The following NBEA variants were observed in gnomAD, a reference collection of about 807,000 sequenced individuals.
NBEA encodes neurobeachin, also known as lysosomal-trafficking regulator 2.
Under a neutral mutation model 343.4 loss-of-function variants are expected in NBEA, and 44 were observed. The observed-to-expected ratio is 0.13, with a 90% CI of 0.10 to 0.16. The LOEUF (loss-of-function observed/expected upper bound fraction) is 0.16, where lower values mean the gene tolerates loss of function less well. Among genes scored for constraint, NBEA ranks in the 10% least tolerant of loss-of-function variants. The pLI is 1.00. For synonymous variants in NBEA, 1,175 were observed against 1,238.7 expected (o/e 0.95, Z 1.08); for missense variants, 2,555 against 3,631.3 (o/e 0.70, Z 7.62).
intron 27 of NBEA, among the ~76,000 whole-genome samples, chr13:35,176,659 C>T (rs1406848611): frequency 6.6e-6 from 1 of 151,714 alleles, no homozygotes; most frequent in Non-Finnish European, 1.5e-5. Flanking sequence ...ATAAATGAAC[C>T]CAGAGGCTCA....
Position 35,537,504 on chromosome 13 carries a change from G to T in NBEA, c.6586-12973G>T, listed in dbSNP as rs149947657. 7.5e-3 allele frequency among the ~76,000 whole-genome samples: 1,141 copies of T among 152,184 alleles called. 51 individuals carry two copies. Among genetic ancestry groups the T allele is most frequent in the Admixed American group, 0.059 (905 of 15,270 alleles). ...AAAAAGCTTATAGTCTAGTGGAGGA[G>T]ATTACATTAAAAATGAAATTATACA... On this transcript the variant is annotated intron_variant, in intron 41 of 58. Transcript: ENST00000379939.
chr13:35,453,577 A>G (rs116124953), intron 40 of NBEA, among the ~76,000 whole-genome samples: 32 of 152,332 alleles, frequency 2.1e-4, no homozygotes, highest in African/African-American at 7.2e-4. Flanking sequence ...AGAATACAGA[A>G]AATTCACAAA....
intron 9 of NBEA, 102 bp downstream of exon 9, chr13:35,070,207 G>A: frequency 8.1e-7 from 1 of 1,236,100 alleles, no homozygotes. Flanking sequence ...TGATTTTTTT[G>A]CTTCTTTTTT....
At chr13:35,287,587 G>A (rs1309167512) in intron 34 of NBEA, among the ~76,000 whole-genome samples, 1 of 151,708 alleles carries the variant, frequency 6.6e-6, no homozygotes, top group Non-Finnish European at 1.5e-5. Context: ...TGCTTCCTGT[G>A]TACTTTTTGC....
At chr13:35,139,758 T>G (rs994133089) in intron 17 of NBEA, among the ~76,000 whole-genome samples, 35 of 141,582 alleles carry the variant, frequency 2.5e-4, no homozygotes, top group Non-Finnish European at 3.1e-4. Flanking sequence ...TTTTTTTTTT[T>G]TTTTTTTTTT....
At chr13:35,563,720 C>T (rs532158318) in intron 44 of NBEA, among the ~76,000 whole-genome samples, 1 of 151,212 alleles carries the variant, frequency 6.6e-6, no homozygotes, top group Non-Finnish European at 1.5e-5. Flanking sequence ...TTCAAAGGAC[C>T]TCTCAAAGAT....
At chr13:35,162,801 G>A (rs61004943) in intron 23 of NBEA, among the ~76,000 whole-genome samples, 6,647 of 152,060 alleles carry the variant, frequency 0.044, 259 homozygotes, top group African/African-American at 0.1. Flanking sequence ...CCTATACCCA[G>A]TCAAGCTCAA....
chr13:35,583,397 A>G (rs2081145845), intron 45 of NBEA, among the ~76,000 whole-genome samples: 1 of 152,194 alleles, frequency 6.6e-6, no homozygotes. Context: ...TTCCATCTAT[A>G]TACTAACAGA....
chr13:35,002,902 A>G (rs2061191885), intron 1 of NBEA, among the ~76,000 whole-genome samples: 1 of 152,166 alleles, frequency 6.6e-6, no homozygotes, highest in South Asian at 2.1e-4. Flanking sequence ...AATATGGCGG[A>G]TGAGGCAAAA....
At chr13:35,176,699 T>G (rs1362215177) in intron 27 of NBEA, among the ~76,000 whole-genome samples, 8 of 151,870 alleles carry the variant, frequency 5.3e-5, no homozygotes, top group African/African-American at 1.9e-4. Flanking sequence ...GGTAGAGAAA[T>G]GAGGCTCAGG....
chr13:35,249,287 T>C (rs778439383), intron 34 of NBEA, among the ~76,000 whole-genome samples: 17 of 152,078 alleles, frequency 1.1e-4, no homozygotes, highest in Non-Finnish European at 2.4e-4. Context: ...ATTTTAAACT[T>C]CTGTGCATCA....
intron 36 of NBEA, among the ~76,000 whole-genome samples, chr13:35,319,995 G>A (rs1053663113): frequency 9.2e-5 from 14 of 151,776 alleles, no homozygotes; most frequent in Admixed American, 2.6e-4. Context: ...GACTTTGCAC[G>A]TATGATGGGT....
At chr13:34,998,184 G>A (rs1391495471) in intron 1 of NBEA, among the ~76,000 whole-genome samples, 4 of 152,132 alleles carry the variant, frequency 2.6e-5, no homozygotes, top group African/African-American at 9.7e-5. Flanking sequence ...AAACCAGCAA[G>A]TTTTTAGTGA....
chr13:35,337,419 A>G (rs535063806), intron 36 of NBEA, among the ~76,000 whole-genome samples: 2 of 152,286 alleles, frequency 1.3e-5, no homozygotes, highest in South Asian at 4.1e-4. Context: ...GACATTATAT[A>G]ATGTTAATTA....
intron 34 of NBEA, among the ~76,000 whole-genome samples, chr13:35,250,483 C>G (rs1383669298): frequency 6.6e-6 from 1 of 152,106 alleles, no homozygotes; most frequent in Non-Finnish European, 1.5e-5. Flanking sequence ...CAAAATGAAA[C>G]AATTTCACTC....
At chr13:35,380,254 C>T (rs910412981) in intron 38 of NBEA, among the ~76,000 whole-genome samples, 6 of 152,044 alleles carry the variant, frequency 3.9e-5, no homozygotes, top group Middle Eastern at 3.4e-3. Flanking sequence ...AGACCAGCCT[C>T]GCCAACATGG....
chr13:35,472,502 A>T lies in NBEA; in HGVS notation c.6551A>T (p.Glu2184Val). The change falls in exon 41 of 59, where the codon GAG becomes GTG. Residue 2184 changes from glutamate to valine, a missense_variant. This residue lies in a region of NBEA where 246 missense variants were observed against 313.7 expected (regional missense o/e 0.78). Transcript: ENST00000379939. The stretch of plus-strand genomic sequence containing the variant: ...ACAGAAATCTACTTCGAGGTAGATG[A>T]GGATGATTCTGCCTTCAAGAAGATC... ...TTTEIYFEVD[E>V]DDSAFKKIDT... The T allele has an allele frequency of 6.2e-7, 1 of 1,613,990 alleles. No homozygotes were observed. Among genetic ancestry groups the T allele is most frequent in the Non-Finnish European group, 8.5e-7 (1 of 1,179,862 alleles).
intron 6 of NBEA, among the ~76,000 whole-genome samples, chr13:35,054,517 G>A (rs1057130100): frequency 2.6e-5 from 4 of 151,746 alleles, no homozygotes; most frequent in Middle Eastern, 3.2e-3. Context: ...CTTAAAAAAG[G>A]ATGTGCATTT....
intron 1 of NBEA, among the ~76,000 whole-genome samples, chr13:34,969,551 A>G (rs1348923519): frequency 6.6e-6 from 1 of 151,540 alleles, no homozygotes; most frequent in Non-Finnish European, 1.5e-5. Context: ...TGATCCTCCC[A>G]CCCTTGACCC....
Sources: allele counts gnomAD v4.1 joint callset (sites outside exome capture counted in the v4.1 genomes callset), GRCh38; gene constraint gnomAD v4.1.1; regional missense constraint gnomAD v4.1.1; transcripts MANE v1.5; gene names NCBI Gene and HGNC (gene_info 2026-07-23, HGNC 2026-07-21).